The following DAB1 variants were observed in gnomAD, a reference collection of about 807,000 sequenced individuals.
DAB1 encodes the protein DAB adaptor protein 1, also known as disabled homolog 1.
A neutral mutation model predicts 64.6 loss-of-function variants in DAB1; 15 were observed. That is an observed-to-expected ratio of 0.23 (90% confidence interval 0.16 to 0.36). The LOEUF is 0.36. Among genes scored for constraint, DAB1 ranks in the 10% least tolerant of loss-of-function variants. The probability of loss-of-function intolerance (pLI) is 1.00; values close to 1 mark genes in which losing one functional copy is unlikely to be tolerated. For synonymous variants in DAB1, 235 were observed against 251.9 expected (o/e 0.93, Z 0.64); for missense variants, 596 against 706.7 (o/e 0.84, Z 1.78).
At chr1:57,357,400 C>A (rs978327190) in intron 1 of DAB1, among the ~76,000 whole-genome samples, 2 of 151,738 alleles carry the variant, frequency 1.3e-5, no homozygotes, top group African/African-American at 4.8e-5. Flanking sequence ...TGTGGCTTGA[C>A]AAAATAATAT....
chr1:57,254,235 C>T (rs926212699), intron 2 of DAB1, among the ~76,000 whole-genome samples: 1 of 152,218 alleles, frequency 6.6e-6, no homozygotes, highest in African/African-American at 2.4e-5. Flanking sequence ...GCTTCTCTCA[C>T]TGTGGGTGAA....
intron 7 of DAB1, among the ~76,000 whole-genome samples, chr1:57,478,841 C>T (rs1643974002): frequency 6.6e-6 from 1 of 151,634 alleles, no homozygotes; most frequent in African/African-American, 2.4e-5. Flanking sequence ...ACCTCATGAT[C>T]CACCGACCTC....
At chr1:58,503,016 T>C (rs1049958914) in intron 3 of DAB1, among the ~76,000 whole-genome samples, 2 of 152,218 alleles carry the variant, frequency 1.3e-5, no homozygotes, top group African/African-American at 2.4e-5. Context: ...AATCAATTCA[T>C]TATTATTTTA....
chr1:57,422,350 T>C (rs1684980870), intron 1 of DAB1, among the ~76,000 whole-genome samples: 1 of 152,256 alleles, frequency 6.6e-6, no homozygotes, highest in East Asian at 1.9e-4. Context: ...CACTGGAGCA[T>C]CCAGCTCGCA....
At chr1:58,399,471 G>A (rs961675469) in intron 3 of DAB1, among the ~76,000 whole-genome samples, 1 of 152,132 alleles carries the variant, frequency 6.6e-6, no homozygotes, top group Non-Finnish European at 1.5e-5. Flanking sequence ...CCAAAGATAG[G>A]GAAAGTGCGA....
At chr1:58,518,929 A>G (rs1042171616) in intron 2 of DAB1, among the ~76,000 whole-genome samples, 1 of 152,222 alleles carries the variant, frequency 6.6e-6, no homozygotes, top group African/African-American at 2.4e-5. Context: ...GTTGAGGCAC[A>G]AAAAGGATAA....
At chr1:57,516,756 C>T (rs1644468400) in intron 7 of DAB1, among the ~76,000 whole-genome samples, 1 of 152,196 alleles carries the variant, frequency 6.6e-6, no homozygotes, top group Non-Finnish European at 1.5e-5. Flanking sequence ...ACTTCTATTT[C>T]CTCACATCTG....
intron 5 of DAB1, among the ~76,000 whole-genome samples, chr1:57,926,714 T>C (rs1644885152): frequency 6.6e-6 from 1 of 152,248 alleles, no homozygotes; most frequent in African/African-American, 2.4e-5. Context: ...CTATTACAGA[T>C]GGCCTCTACT....
chr1:57,061,679 A>G lies in DAB1; in HGVS notation c.723+1205T>C, dbSNP rs556363170. 5.0e-4 allele frequency among the ~76,000 whole-genome samples: 76 copies of G among 152,270 alleles called. 1 individual carries two copies. The South Asian group carries it at 0.012, about 23-fold the overall frequency. ...TCCATACAGTGGCCTTTGGAGTCCCATTTCATATCTATGTATTCTTTTATC... is the reference window on the plus strand; with the variant it reads ...TCCATACAGTGGCCTTTGGAGTCCCGTTTCATATCTATGTATTCTTTTATC... On this transcript the variant is annotated intron_variant, in intron 9 of 14. Transcript: ENST00000371236.
At chr1:57,812,949 T>A (rs564472936) in intron 6 of DAB1, among the ~76,000 whole-genome samples, 25 of 152,300 alleles carry the variant, frequency 1.6e-4, no homozygotes, top group Admixed American at 5.9e-4. Context: ...TGGTGTGTGG[T>A]CTACACTACC....
intron 3 of DAB1, among the ~76,000 whole-genome samples, chr1:58,377,662 A>C (rs1320867637): frequency 7.2e-6 from 1 of 139,152 alleles, no homozygotes; most frequent in East Asian, 2.0e-4. Context: ...TGTGTCTTGG[A>C]GTTGCTCTTC....
intron 4 of DAB1, among the ~76,000 whole-genome samples, chr1:58,172,384 T>C (rs1024980640): frequency 6.6e-6 from 1 of 152,154 alleles, no homozygotes; most frequent in African/African-American, 2.4e-5. Flanking sequence ...TCAGAGGCTA[T>C]CAAAATAATA....
intron 7 of DAB1, among the ~76,000 whole-genome samples, chr1:57,501,632 G>C (rs1644290797): frequency 6.6e-6 from 1 of 152,196 alleles, no homozygotes; most frequent in African/African-American, 2.4e-5. Context: ...TTTGAAGAGA[G>C]TTTTTGGTGA....
chr1:58,526,510 T>C (rs1184561770), intron 2 of DAB1, among the ~76,000 whole-genome samples: 1 of 150,274 alleles, frequency 6.7e-6, no homozygotes, highest in African/African-American at 2.5e-5. Flanking sequence ...TCACAGGTGA[T>C]TAAAAATAGC....
chr1:58,539,144 G>T (rs1003670380), intron 1 of DAB1: 1 of 872,940 alleles, frequency 1.1e-6, no homozygotes, highest in Non-Finnish European at 2.0e-6. Flanking sequence ...CCCAGTCCCT[G>T]ATACTTATTT....
intron 4 of DAB1, among the ~76,000 whole-genome samples, chr1:57,091,271 C>G (rs1359454509): frequency 1.3e-5 from 2 of 152,108 alleles, no homozygotes; most frequent in African/African-American, 4.8e-5. Flanking sequence ...ATCCATCCAT[C>G]CAGCCTTTCC....
At chr1:57,481,271 T>C (rs925592914) in intron 7 of DAB1, among the ~76,000 whole-genome samples, 1 of 152,144 alleles carries the variant, frequency 6.6e-6, no homozygotes, top group Non-Finnish European at 1.5e-5. Context: ...CCTAGATTCT[T>C]CTCAATCTAA....
chr1:58,276,451 G>T (rs375080046), intron 4 of DAB1, among the ~76,000 whole-genome samples: 1 of 152,078 alleles, frequency 6.6e-6, no homozygotes, highest in East Asian at 1.9e-4. Context: ...GGAAATCTAC[G>T]CAAAGAAAAC....
intron 4 of DAB1, among the ~76,000 whole-genome samples, chr1:58,256,079 C>T (rs185673835): frequency 1.5e-4 from 23 of 152,270 alleles, no homozygotes; most frequent in African/African-American, 4.1e-4. Context: ...ATGAGGGTAT[C>T]GCTTCAGGCT....
Sources: allele counts gnomAD v4.1 joint callset (sites outside exome capture counted in the v4.1 genomes callset), GRCh38; gene constraint gnomAD v4.1.1; transcripts MANE v1.5; gene names NCBI Gene and HGNC (gene_info 2026-07-23, HGNC 2026-07-21).